Variants in OR2AG1 observed in about 807,000 individuals in gnomAD.
OR2AG1 encodes olfactory receptor 2AG1.
For missense variants in OR2AG1, 391 were observed against 385.9 expected, an observed-to-expected ratio of 1.01 and a Z score of -0.11; for synonymous variants, 157 against 155.6, an observed-to-expected ratio of 1.01 and a Z score of -0.07.
intron 1 of OR2AG1, among the ~76,000 whole-genome samples, chr11:6,784,756 T>C (rs1056949814): frequency 2.0e-5 from 3 of 152,254 alleles, no homozygotes; most frequent in Non-Finnish European, 2.9e-5. Flanking sequence ...TTTGGAAAGA[T>C]ACATGTTCAG....
Position 6,785,988 on chromosome 11 carries a change from G to T in OR2AG1, c.951G>T (p.Ter317TyrextTer13). 6.2e-7 allele frequency: 1 copy of T among 1,602,348 alleles called. No individual in the cohort carries two copies. Among genetic ancestry groups the T allele is most frequent in the Non-Finnish European group, 8.5e-7 (1 of 1,173,484 alleles). Residue 317 changes from the stop codon to tyrosine (Y), a stop_lost, in exon 2 of 2, where the codon TAG (stop) becomes TAT (tyrosine). Coordinates refer to ENST00000641258, the MANE Select transcript of OR2AG1 (RefSeq NM_001004489.3). ...TGCTGCCAGCACACTCCACGCTCTA[G>T]GGAAGGATCATGGCTAGCTTCCAGA... is the stretch of plus-strand genomic sequence containing the variant. ...KYMLPAHSTL[*>Y]
rs1847641720 is a variant in OR2AG1 at position 6,787,642 on chromosome 11, C to A, written c.*1654C>A. On this transcript the variant is annotated 3_prime_UTR_variant, in exon 2 of 2. Coordinates refer to ENST00000641258, the MANE Select transcript of OR2AG1 (RefSeq NM_001004489.3). ...ATTAGCTATTTTATCATTGTTTTAC[C>A]TTTAACATTGTCGTGTGTGTGTGTG... The A allele has an allele frequency of 7.0e-6, 1 of 143,054 alleles. No homozygotes were observed. Among genetic ancestry groups the A allele is most frequent in the African/African-American group, 2.7e-5 (1 of 37,488 alleles). The allele number at this position is 143,054 out of a possible 1,614,324, so 8.9% of individuals were successfully genotyped here. A position where few individuals can be genotyped will look rare whatever the true frequency, so the allele number is the denominator to read the frequency against.
At position 6,784,611 on chromosome 11, in the gene OR2AG1, C is replaced by T. The variant is rs950507783; in HGVS notation, c.-20-407C>T. On this transcript the variant is annotated intron_variant, in intron 1 of 1. Coordinates refer to ENST00000641258, the MANE Select transcript of OR2AG1 (RefSeq NM_001004489.3). ...AGAAGTGAAAGTGCTTTATTGAAAA[C>T]CAGTCTCTGTACCTGTTTGGAATTT... Among the ~76,000 whole-genome samples, 9 of 152,120 alleles carry T rather than the reference C, an allele frequency of 5.9e-5. 1 individual carries two copies. The highest frequency in any genetic ancestry group is 5.2e-4 in the Admixed American group (8 of 15,282).
rs773342503 is a variant in OR2AG1 at position 6,785,870 on chromosome 11, A to G, written c.833A>G (p.Tyr278Cys). The change falls in exon 2 of 2, where the codon TAC becomes TGC. Residue 278 changes from tyrosine (Y) to cysteine (C), a missense_variant. Transcript: ENST00000641258. ...CAAGACAACATCATCTCTGTTTTCT[A>G]CACAATTGTCACTCCAGCCCTGAAT... ...TRQDNIISVF[Y>C]TIVTPALNPL... 1.2e-6 allele frequency: 2 copies of G among 1,614,068 alleles called. No individual in the cohort carries two copies. Among genetic ancestry groups the G allele is most frequent in the Non-Finnish European group, 1.7e-6 (2 of 1,180,002 alleles).
At chr11:6,783,919 T>C (rs902177954) in intron 1 of OR2AG1, among the ~76,000 whole-genome samples, 6 of 152,222 alleles carry the variant, frequency 3.9e-5, no homozygotes, top group Non-Finnish European at 8.8e-5. Flanking sequence ...ATGCCATATA[T>C]GGGGAAATGA....
rs187423982 is a variant in OR2AG1, at chr11:6,787,547, G to C, written c.*1559G>C. 5 of 152,050 alleles carry C rather than the reference G, an allele frequency of 3.3e-5. No homozygotes were observed. The highest frequency in any genetic ancestry group is 7.4e-5 in the Non-Finnish European group (5 of 67,988). 9.4% of individuals were successfully genotyped at this position (152,050 alleles called of 1,614,324 possible). On this transcript the variant is annotated 3_prime_UTR_variant, in exon 2 of 2. Coordinates refer to ENST00000641258, the MANE Select transcript of OR2AG1 (RefSeq NM_001004489.3). The stretch of plus-strand genomic sequence containing the variant: ...GTATTTAATAAATTTAACACCTACA[G>C]AATAAATGGCCCTGAAAATACTGTT...
Position 6,790,998 on chromosome 11 carries a change from A to C in OR2AG1, c.*5010A>C, listed in dbSNP as rs1197043410. 1 of 152,190 alleles carries C rather than the reference A, an allele frequency of 6.6e-6. No homozygotes were observed. The highest frequency in any genetic ancestry group is 1.5e-5 in the Non-Finnish European group (1 of 68,046). 9.4% of individuals were successfully genotyped at this position (152,190 alleles called of 1,614,324 possible). ...CTGTCTCTGCTGCTAATTGTGCCAA[A>C]AGTAACCATAAAATCTGGAGTCAAC... is the stretch of plus-strand genomic sequence containing the variant. On this transcript the variant is annotated 3_prime_UTR_variant, in exon 2 of 2. Coordinates refer to ENST00000641258, the MANE Select transcript of OR2AG1 (RefSeq NM_001004489.3).
chr11:6,787,838 T>C lies in OR2AG1; in HGVS notation c.*1850T>C, dbSNP rs1375881174. On this transcript the variant is annotated 3_prime_UTR_variant, in exon 2 of 2. Coordinates refer to ENST00000641258, the MANE Select transcript of OR2AG1 (RefSeq NM_001004489.3). ...ACTCTTCATATGAAAAGACAAATTG[T>C]TTTCTTAAAATGTTAAATATTTTGC... is the stretch of plus-strand genomic sequence containing the variant. The C allele has an allele frequency of 6.6e-6, 1 of 152,158 alleles. No individual in the cohort carries two copies. Among genetic ancestry groups the C allele is most frequent in the Non-Finnish European group, 1.5e-5 (1 of 68,014 alleles). 9.4% of individuals were successfully genotyped at this position (152,158 alleles called of 1,614,324 possible).
rs763538531 is a variant in OR2AG1, at chr11:6,785,324, G to C, written c.287G>C (p.Gly96Ala). 2.5e-6 allele frequency: 4 copies of C among 1,614,124 alleles called. No homozygotes were observed. In the East Asian group the frequency reaches 8.9e-5, roughly 36 times the overall value. The change falls in exon 2 of 2, where the codon GGC becomes GCC. Residue 96 changes from glycine (G) to alanine (A), a missense_variant. Coordinates refer to ENST00000641258, the MANE Select transcript of OR2AG1 (RefSeq NM_001004489.3). ...AGAGAAAACACCATCTCCTTTGGAG[G>C]CTGTGCCCTTCAGATGTTCCTGGCA... ...LRRENTISFG[G>A]CALQMFLALT...
rs1847625329 is a variant in OR2AG1 at position 6,786,164 on chromosome 11, T to C, written c.*176T>C. ...TTTAAATCTTCTCTCCATGAAGTAATTTATAGGGCATGATTTACACTATCT... is the reference window on the plus strand; with the variant it reads ...TTTAAATCTTCTCTCCATGAAGTAACTTATAGGGCATGATTTACACTATCT... On this transcript the variant is annotated 3_prime_UTR_variant, in exon 2 of 2. Transcript: ENST00000641258. The C allele has an allele frequency of 1.8e-6, 1 of 567,744 alleles. No individual in the cohort carries two copies. 35.2% of individuals were successfully genotyped at this position (567,744 alleles called of 1,614,324 possible).
In OR2AG1 at chr11:6,786,064, G is replaced by T. The variant is rs754830035; in HGVS notation, c.*76G>T. ...TTCATGTTATGAATCAAATACTAAT[G>T]GTAAAACCAATACAGTGCAGAGTAT... On this transcript the variant is annotated 3_prime_UTR_variant, in exon 2 of 2. Coordinates refer to ENST00000641258, the MANE Select transcript of OR2AG1 (RefSeq NM_001004489.3). 17 of 1,157,306 alleles carry T rather than the reference G, an allele frequency of 1.5e-5. No individual in the cohort carries two copies. The highest frequency in any genetic ancestry group is 2.1e-5 in the Non-Finnish European group (17 of 803,296). 71.7% of individuals were successfully genotyped at this position (1,157,306 alleles called of 1,614,324 possible).
At position 6,785,297 on chromosome 11, in the gene OR2AG1, G is replaced by T. The variant is rs191724861; in HGVS notation, c.260G>T (p.Arg87Leu). ...VTPKALADFL[R>L]RENTISFGGC... ...CCCAAGGCCCTTGCGGACTTTCTGC[G>T]CAGAGAAAACACCATCTCCTTTGGA... Residue 87 changes from arginine (R) to leucine (L), a missense_variant, in exon 2 of 2, where the codon CGC becomes CTC. Transcript: ENST00000641258. 6.2e-7 allele frequency: 1 copy of T among 1,614,138 alleles called. No homozygotes were observed. The highest frequency in any genetic ancestry group is 2.2e-5 in the East Asian group (1 of 44,878).
At chr11:6,784,821 T>C (rs1847605221) in intron 1 of OR2AG1, among the ~76,000 whole-genome samples, 197 bp from the exon 2 acceptor site, 1 of 152,252 alleles carries the variant, frequency 6.6e-6, no homozygotes, top group Non-Finnish European at 1.5e-5. Flanking sequence ...TAGTTATTAC[T>C]GTGATGTCTG....
At position 6,785,169 on chromosome 11, in the gene OR2AG1, A is replaced by G. The variant is rs745748889; in HGVS notation, c.132A>G (p.Leu44=). The part of the protein sequence containing the change: ...LYLLALISNG[L]LLLAITMEAR... The stretch of plus-strand genomic sequence containing the variant: ...TGTTGGCCCTGATCAGCAATGGCCT[A>G]CTGCTCCTGGCTATCACCATGGAAG... Residue 44 remains leucine, a synonymous_variant, in exon 2 of 2, where the codon CTA becomes CTG. Transcript: ENST00000641258. 21 of 1,614,132 alleles carry G rather than the reference A, an allele frequency of 1.3e-5. No homozygotes were observed. The highest frequency in any genetic ancestry group is 1.7e-5 in the Non-Finnish European group (20 of 1,179,996).
Position 6,789,508 on chromosome 11 carries a change from G to C in OR2AG1, c.*3520G>C, listed in dbSNP as rs973703564. ...AATCCACAGACTCAAAAAATTAGCC[G>C]GGTGTGATGGTGGATGCCTGTAATT... On this transcript the variant is annotated 3_prime_UTR_variant, in exon 2 of 2. Coordinates refer to ENST00000641258, the MANE Select transcript of OR2AG1 (RefSeq NM_001004489.3). The C allele has an allele frequency of 1.3e-5, 2 of 152,212 alleles. No individual in the cohort carries two copies. The highest frequency in any genetic ancestry group is 4.8e-5 in the African/African-American group (2 of 41,396). 9.4% of individuals were successfully genotyped at this position (152,212 alleles called of 1,614,324 possible).
At position 6,787,903 on chromosome 11, in the gene OR2AG1, A is replaced by C. The variant is rs1847645056; in HGVS notation, c.*1915A>C. On this transcript the variant is annotated 3_prime_UTR_variant, in exon 2 of 2. Transcript: ENST00000641258. Reference sequence around the variant, plus strand: ...CATATAAGTGTACTTAGCCCACTACATATTTTTTCATGTTAAATTTTACAT... The same window carrying C: ...CATATAAGTGTACTTAGCCCACTACCTATTTTTTCATGTTAAATTTTACAT... The C allele has an allele frequency of 6.6e-6, 1 of 152,186 alleles. No homozygotes were observed. Among genetic ancestry groups the C allele is most frequent in the Non-Finnish European group, 1.5e-5 (1 of 68,020 alleles). 9.4% of individuals were successfully genotyped at this position (152,186 alleles called of 1,614,324 possible).
At position 6,785,982 on chromosome 11, in the gene OR2AG1, G is replaced by T. The variant is rs774263283; in HGVS notation, c.945G>T (p.Thr315=). The T allele has an allele frequency of 1.1e-5, 18 of 1,604,930 alleles. No homozygotes were observed. In the Admixed American group the frequency reaches 2.2e-4, roughly 20 times the overall value. ...AATACATGCTGCCAGCACACTCCAC[G>T]CTCTAGGGAAGGATCATGGCTAGCT... The part of the protein sequence containing the change: ...LGKYMLPAHS[T]L The change falls in exon 2 of 2, where the codon ACG becomes ACT. Residue 315 remains threonine (T), a synonymous_variant. Coordinates refer to ENST00000641258, the MANE Select transcript of OR2AG1 (RefSeq NM_001004489.3).
At chr11:6,784,807 T>C (rs975984534) in intron 1 of OR2AG1, among the ~76,000 whole-genome samples, 3 of 152,220 alleles carry the variant, frequency 2.0e-5, no homozygotes, top group African/African-American at 7.2e-5. Context: ...GATCTCTTAA[T>C]GTTTAGTTAT....
chr11:6,788,514 T>G lies in OR2AG1; in HGVS notation c.*2526T>G, dbSNP rs1006296008. The G allele has an allele frequency of 6.6e-6, 1 of 152,190 alleles. No homozygotes were observed. Among genetic ancestry groups the G allele is most frequent in the Admixed American group, 6.5e-5 (1 of 15,276 alleles). The allele number at this position is 152,190 out of a possible 1,614,324, so 9.4% of individuals were successfully genotyped here. On this transcript the variant is annotated 3_prime_UTR_variant, in exon 2 of 2. Transcript: ENST00000641258. ...TCCTCTTTACTCTTTTGGAAGACAT[T>G]TGATTCTATCATTCACATCTTAATA...
Sources: allele counts gnomAD v4.1 joint callset (sites outside exome capture counted in the v4.1 genomes callset), GRCh38; gene constraint gnomAD v4.1.1; transcripts MANE v1.5; gene names NCBI Gene and HGNC (gene_info 2026-07-23, HGNC 2026-07-21).